Variants in HIP1 observed in about 807,000 individuals in gnomAD.
The protein encoded by HIP1 is huntingtin-interacting protein 1.
Under a neutral mutation model 147.6 loss-of-function variants are expected in HIP1, and 65 were observed. The observed-to-expected ratio is 0.44, with a 90% CI of 0.36 to 0.54. The LOEUF (loss-of-function observed/expected upper bound fraction) is 0.54, where lower values mean the gene tolerates loss of function less well. Ranked by LOEUF, HIP1 falls within the 20% of genes least tolerant of loss-of-function variation. HIP1 has a pLI of 0.00. For missense variants in HIP1, 1,061 were observed against 1,299.6 expected (o/e 0.82, Z 2.82); for synonymous variants, 479 against 504.0 (o/e 0.95, Z 0.67).
chr7:75,663,301 A>C (rs1269332981), intron 1 of HIP1, among the ~76,000 whole-genome samples: 1 of 152,118 alleles, frequency 6.6e-6, no homozygotes, highest in Non-Finnish European at 1.5e-5. Context: ...GATCATTTAA[A>C]CAAATATAAT....
At chr7:75,687,844 C>G (rs1376542291) in intron 1 of HIP1, among the ~76,000 whole-genome samples, 1 of 152,180 alleles carries the variant, frequency 6.6e-6, no homozygotes, top group Non-Finnish European at 1.5e-5. Flanking sequence ...GCCCCTACTC[C>G]TGAACCCTCC....
In HIP1 at chr7:75,568,460, C is replaced by T. The variant is rs1795495006; in HGVS notation, c.746-204G>A. 1.3e-5 allele frequency among the ~76,000 whole-genome samples: 2 copies of T among 152,166 alleles called. No individual in the cohort carries two copies. The highest frequency in any genetic ancestry group is 1.3e-4 in the Admixed American group (2 of 15,266). The stretch of plus-strand genomic sequence containing the variant: ...CAGCAGGAGTGTGGAGACGCTTATC[C>T]TCCAAATCCTTTCACTTCAATTAGT... On this transcript the variant is annotated intron_variant, in intron 8 of 30. Transcript: ENST00000336926. This position sits in a 1 kb window ranked among gnomAD's most constrained non-coding sequence, Gnocchi z 4.1.
intron 19 of HIP1, 83 bp from the exon 20 acceptor site, chr7:75,554,609 G>A: frequency 2.1e-6 from 2 of 975,334 alleles, no homozygotes; most frequent in South Asian, 2.6e-5. Flanking sequence ...GAATGGAGGA[G>A]CTTACCTAGT....
At chr7:75,663,200 C>A (rs1470460084) in intron 1 of HIP1, among the ~76,000 whole-genome samples, 5 of 152,138 alleles carry the variant, frequency 3.3e-5, no homozygotes, top group African/African-American at 1.2e-4. Flanking sequence ...AGCTGTGCAC[C>A]AGGTGTGTGC....
rs538453824 is a variant in HIP1 at position 75,655,530 on chromosome 7, C to T, written c.121-56283G>A. ...CCAGGAAGCGGAGGTTGTAGTGAGC[C>T]GAGATCGCACCACTGCACTCCAGCC... On this transcript the variant is annotated intron_variant, in intron 1 of 30. Coordinates refer to ENST00000336926, the MANE Select transcript of HIP1 (RefSeq NM_005338.7). 1.7e-4 allele frequency among the ~76,000 whole-genome samples: 25 copies of T among 151,304 alleles called. No homozygotes were observed. The South Asian group carries it at 4.0e-3, about 24-fold the overall frequency.
chr7:75,671,182 C>A (rs1053972039), intron 1 of HIP1, among the ~76,000 whole-genome samples: 9 of 152,258 alleles, frequency 5.9e-5, no homozygotes, highest in African/African-American at 1.7e-4. Context: ...CAACCTCCCC[C>A]TCCCGGGTTC....
intron 8 of HIP1, among the ~76,000 whole-genome samples, chr7:75,570,422 G>T (rs1370315198): frequency 6.6e-6 from 1 of 151,176 alleles, no homozygotes; most frequent in Non-Finnish European, 1.5e-5. Flanking sequence ...CTCCTGAGCA[G>T]CTGGGACTAC....
intron 7 of HIP1, among the ~76,000 whole-genome samples, chr7:75,575,227 G>T (rs1268407599): frequency 6.6e-6 from 1 of 152,116 alleles, no homozygotes; most frequent in Admixed American, 6.6e-5. Flanking sequence ...TTGGGAGGCC[G>T]AGGCGGGTGG....
chr7:75,692,537 T>C (rs10226598), intron 1 of HIP1, among the ~76,000 whole-genome samples: 148,866 of 151,246 alleles, frequency 0.98, 73,278 homozygotes, highest in East Asian at 1. Flanking sequence ...TCTCATGCCT[T>C]AGCTTCCTGA....
intron 1 of HIP1, among the ~76,000 whole-genome samples, chr7:75,694,543 C>A (rs1418382525): frequency 1.4e-4 from 19 of 137,774 alleles, no homozygotes; most frequent in South Asian, 9.2e-4. Context: ...CAGGGTCTCA[C>A]TCTGTCTCCC....
intron 1 of HIP1, among the ~76,000 whole-genome samples, chr7:75,635,445 G>T (rs1563259870): frequency 6.6e-6 from 1 of 152,070 alleles, no homozygotes; most frequent in African/African-American, 2.4e-5. Context: ...GGGCATGGTG[G>T]CGGGCGCCTG....
intron 8 of HIP1, among the ~76,000 whole-genome samples, chr7:75,570,649 C>T (rs926405467): frequency 3.6e-4 from 54 of 151,994 alleles, no homozygotes; most frequent in African/African-American, 1.2e-3. Context: ...ACTGGGTATA[C>T]GAGAACTCTC....
intron 1 of HIP1, among the ~76,000 whole-genome samples, chr7:75,656,912 C>A (rs1462088257): frequency 3.9e-5 from 6 of 152,310 alleles, no homozygotes; most frequent in Admixed American, 3.3e-4. Flanking sequence ...GTCTGACCCC[C>A]TGGGAATCTA....
At chr7:75,600,406 C>T (rs587634219) in intron 1 of HIP1, among the ~76,000 whole-genome samples, 7 of 152,226 alleles carry the variant, frequency 4.6e-5, no homozygotes, top group South Asian at 2.1e-4. Flanking sequence ...CCACTGTGCC[C>T]GGCCAAATCA....
chr7:75,582,069 A>C lies in HIP1; in HGVS notation c.542+6T>G, dbSNP rs374036715. Reference sequence around the variant, plus strand: ...CCTCCCTGGGCTCAGGGCAGGAGCCACTTACAAGTTGTTCACGTCACTTTC... The same window carrying C: ...CCTCCCTGGGCTCAGGGCAGGAGCCCCTTACAAGTTGTTCACGTCACTTTC... On this transcript the variant is annotated splice_donor_region_variant and intron_variant, in intron 6 of 30. Coordinates refer to ENST00000336926, the MANE Select transcript of HIP1 (RefSeq NM_005338.7). 2.9e-5 allele frequency: 46 copies of C among 1,612,408 alleles called. No individual in the cohort carries two copies. The African/African-American group carries it at 4.1e-4, about 15-fold the overall frequency.
At chr7:75,607,482 G>A (rs1238178189) in intron 1 of HIP1, among the ~76,000 whole-genome samples, 1 of 149,032 alleles carries the variant, frequency 6.7e-6, no homozygotes, top group African/African-American at 2.5e-5. Context: ...GCCCATCTTG[G>A]CCTCTCAAAG....
In HIP1 at chr7:75,599,223, T is replaced by C. The variant is rs1554502535; in HGVS notation, c.145A>G (p.Asn49Asp). ...TCCTTTACAGCCACTTCCTGCGTAT[T>C]AATGGCCTTATTGATGCTGACAGTC... ...TQTVSINKAI[N>D]TQEVAVKEKH... Residue 49 changes from asparagine (N) to aspartate (D), a missense_variant, in exon 2 of 31, where the codon AAT becomes GAT. Asn to Asp is a conservative substitution (Grantham distance 23). This residue lies in a region of HIP1 where 225 missense variants were observed against 292.9 expected (regional missense o/e 0.77). Transcript: ENST00000336926. The C allele has an allele frequency of 1.2e-6, 2 of 1,613,086 alleles. No individual in the cohort carries two copies. The highest frequency in any genetic ancestry group is 1.1e-5 in the South Asian group (1 of 91,068).
At chr7:75,732,350 T>C (rs1302594609) in intron 1 of HIP1, among the ~76,000 whole-genome samples, 2 of 152,086 alleles carry the variant, frequency 1.3e-5, no homozygotes, top group Non-Finnish European at 1.5e-5. Flanking sequence ...CCACCGACTT[T>C]TTTTGTTTGT....
intron 1 of HIP1, among the ~76,000 whole-genome samples, chr7:75,666,238 G>A (rs542468165): frequency 1.1e-3 from 164 of 151,168 alleles, no homozygotes; most frequent in Middle Eastern, 3.4e-3. Context: ...GCGTGATCTC[G>A]GCTCATTGCA....
Sources: gnomAD v4.1 joint callset for allele counts (sites outside exome capture counted in the v4.1 genomes callset) on GRCh38, gnomAD v4.1.1 for gene constraint, gnomAD v4.1.1 regional missense constraint, Gnocchi (gnomAD v3.1) non-coding constraint, MANE v1.5 for transcripts, NCBI Gene and HGNC (gene_info 2026-07-23, HGNC 2026-07-21) for gene names.